ANKS1B: variants seen among roughly 807,000 people sequenced by gnomAD.
ANKS1B encodes the protein ankyrin repeat and sterile alpha motif domain containing 1B.
In ANKS1B, 36 loss-of-function variants were observed where a neutral mutation model predicts 148.3. That is an observed-to-expected ratio of 0.24 (90% confidence interval 0.19 to 0.32). The LOEUF (loss-of-function observed/expected upper bound fraction) is 0.32, where lower values mean the gene tolerates loss of function less well. Among genes scored for constraint, ANKS1B ranks in the 10% least tolerant of loss-of-function variants. The probability of loss-of-function intolerance (pLI) is 1.00; values close to 1 mark genes in which losing one functional copy is unlikely to be tolerated. For synonymous variants in ANKS1B, 542 were observed against 560.8 expected (o/e 0.97, Z 0.47); for missense variants, 1,157 against 1,542.6 (o/e 0.75, Z 4.19).
intron 19 of ANKS1B, among the ~76,000 whole-genome samples, chr12:98,811,571 C>A (rs2099096280): frequency 1.3e-5 from 2 of 152,210 alleles, no homozygotes; most frequent in African/African-American, 4.8e-5. Context: ...TCCTGGACCC[C>A]TTCTCACCAG....
intron 22 of ANKS1B, among the ~76,000 whole-genome samples, chr12:98,791,041 C>G (rs2098844096): frequency 6.6e-6 from 1 of 152,062 alleles, no homozygotes; most frequent in Non-Finnish European, 1.5e-5. Context: ...AGAGTAGGCC[C>G]GTAAGAAAAC....
chr12:99,221,472 G>A (rs1445118609), intron 14 of ANKS1B, among the ~76,000 whole-genome samples: 1 of 152,120 alleles, frequency 6.6e-6, no homozygotes, highest in African/African-American at 2.4e-5. Flanking sequence ...ATAAGAAAGA[G>A]CTCCTTTGCC....
chr12:99,897,008 T>C (rs898292999), intron 1 of ANKS1B, among the ~76,000 whole-genome samples: 1 of 151,294 alleles, frequency 6.6e-6, no homozygotes, highest in African/African-American at 2.4e-5. Context: ...TCTTCACTGG[T>C]CATTAACTAC....
intron 17 of ANKS1B, among the ~76,000 whole-genome samples, chr12:99,040,216 G>A (rs1016049359): frequency 3.3e-5 from 5 of 151,970 alleles, no homozygotes; most frequent in African/African-American, 4.8e-5. Context: ...TTTGGGAGGT[G>A]GTGAAACAGG....
intron 12 of ANKS1B, among the ~76,000 whole-genome samples, chr12:99,296,703 AG>A (rs1374500985): frequency 6.6e-6 from 1 of 152,192 alleles, no homozygotes; most frequent in Non-Finnish European, 1.5e-5. Context: ...ATGTGAGAAA[AG>A]AGTAGAGACC....
At chr12:98,787,069 G>T (rs979874498) in intron 22 of ANKS1B, among the ~76,000 whole-genome samples, 1 of 152,110 alleles carries the variant, frequency 6.6e-6, no homozygotes, top group Admixed American at 6.6e-5. Flanking sequence ...TTCCATTTCA[G>T]CAAGTAAATT....
At chr12:99,926,969 G>T (rs956963151) in intron 1 of ANKS1B, among the ~76,000 whole-genome samples, 34 of 152,068 alleles carry the variant, frequency 2.2e-4, no homozygotes, top group Admixed American at 1.1e-3. Flanking sequence ...CTACCCTCTG[G>T]ATTACAGTTG....
intron 17 of ANKS1B, among the ~76,000 whole-genome samples, chr12:99,018,273 G>T (rs906100797): frequency 6.6e-6 from 1 of 152,198 alleles, no homozygotes; most frequent in Admixed American, 6.5e-5. Flanking sequence ...AGGCCCAAGG[G>T]AGCTTGTTTG....
At chr12:99,610,040 C>T (rs1447449174) in intron 9 of ANKS1B, among the ~76,000 whole-genome samples, 1 of 151,868 alleles carries the variant, frequency 6.6e-6, no homozygotes, top group South Asian at 2.1e-4. Flanking sequence ...GAGTTACAAG[C>T]GCAGAAAAGG....
chr12:99,034,816 G>A (rs1284852012), intron 17 of ANKS1B, among the ~76,000 whole-genome samples: 1 of 152,208 alleles, frequency 6.6e-6, no homozygotes, highest in African/African-American at 2.4e-5. Flanking sequence ...TGTTTCAGGT[G>A]TTGACAGTGC....
intron 8 of ANKS1B, among the ~76,000 whole-genome samples, chr12:99,727,172 T>A (rs768271717): frequency 2.6e-5 from 4 of 152,022 alleles, no homozygotes; most frequent in Non-Finnish European, 4.4e-5. Context: ...GTAAAGCATA[T>A]TCGAATAGAA....
chr12:99,734,121 T>C (rs1408329656), intron 8 of ANKS1B, among the ~76,000 whole-genome samples: 1 of 152,174 alleles, frequency 6.6e-6, no homozygotes. Context: ...CCATGAGGCA[T>C]TACATTTCTC....
Position 99,391,656 on chromosome 12 carries a change from G to A in ANKS1B, c.1756+7975C>T, listed in dbSNP as rs17029331. Among the ~76,000 whole-genome samples the A allele has an allele frequency of 3.8e-3, 585 of 152,286 alleles. 37 individuals are homozygous for A. In the East Asian group the frequency reaches 0.086, roughly 23 times the overall value. On this transcript the variant is annotated intron_variant, in intron 12 of 26. Transcript: ENST00000683438. ...ATATCAACTAATTTCATTTGGAGTAGCAAGTCCCATGCACTAGCTAACTAA... is the reference window on the plus strand; with the variant it reads ...ATATCAACTAATTTCATTTGGAGTAACAAGTCCCATGCACTAGCTAACTAA...
chr12:99,745,267 A>G (rs1303301040), intron 8 of ANKS1B, among the ~76,000 whole-genome samples: 1 of 152,228 alleles, frequency 6.6e-6, no homozygotes, highest in African/African-American at 2.4e-5. Context: ...AGACAGAAGT[A>G]ACAGTGATGT....
intron 14 of ANKS1B, among the ~76,000 whole-genome samples, chr12:99,242,511 A>G (rs1223239422): frequency 6.6e-6 from 1 of 152,220 alleles, no homozygotes; most frequent in Admixed American, 6.5e-5. Flanking sequence ...TCAAGTTGCC[A>G]CTGACTTTCT....
chr12:99,317,560 T>G (rs966868903), intron 12 of ANKS1B, among the ~76,000 whole-genome samples: 10 of 152,330 alleles, frequency 6.6e-5, no homozygotes, highest in Admixed American at 6.5e-4. Flanking sequence ...AAGGAGATTT[T>G]GGGCTGAGAC....
chr12:99,640,447 C>T (rs2098291320), intron 9 of ANKS1B, among the ~76,000 whole-genome samples: 2 of 152,044 alleles, frequency 1.3e-5, no homozygotes, highest in South Asian at 4.1e-4. Flanking sequence ...GGACTTTGCC[C>T]TCATGAATGG....
chr12:99,629,034 T>G (rs1207453965), intron 9 of ANKS1B, among the ~76,000 whole-genome samples: 1 of 152,178 alleles, frequency 6.6e-6, no homozygotes, highest in Non-Finnish European at 1.5e-5. Flanking sequence ...ACCACTTGCT[T>G]TTATGAGATC....
intron 17 of ANKS1B, among the ~76,000 whole-genome samples, chr12:98,915,234 G>C (rs2099792652): frequency 6.6e-6 from 1 of 152,178 alleles, no homozygotes; most frequent in South Asian, 2.1e-4. Context: ...TCCATAGAGG[G>C]AAGATGATGT....
Sources: allele counts gnomAD v4.1 joint callset (sites outside exome capture counted in the v4.1 genomes callset), GRCh38; gene constraint gnomAD v4.1.1; transcripts MANE v1.5; gene names NCBI Gene and HGNC (gene_info 2026-07-23, HGNC 2026-07-21).